Variants in SOX5 observed in about 807,000 individuals in gnomAD.
The protein encoded by SOX5 is SRY-box transcription factor 5, also known as transcription factor SOX-5.
SOX5 carries 9 observed loss-of-function variants against 92.0 expected under a neutral mutation model. That is an observed-to-expected ratio of 0.10 (90% confidence interval 0.06 to 0.17). The LOEUF (loss-of-function observed/expected upper bound fraction) is 0.17. Among genes scored for constraint, SOX5 ranks in the 10% least tolerant of loss-of-function variants. SOX5 has a pLI of 1.00. For missense variants in SOX5, 642 were observed against 944.5 expected (o/e 0.68, Z 4.20); for synonymous variants, 344 against 336.3 (o/e 1.02, Z -0.25).
At chr12:23,850,905 A>G (rs2096626453) in intron 2 of SOX5, among the ~76,000 whole-genome samples, 1 of 152,172 alleles carries the variant, frequency 6.6e-6, no homozygotes, top group Non-Finnish European at 1.5e-5. Context: ...AGTTAATTTT[A>G]TATGTTCATA....
intron 2 of SOX5, among the ~76,000 whole-genome samples, chr12:24,309,726 C>T (rs1948985099): frequency 6.6e-6 from 1 of 151,988 alleles, no homozygotes; most frequent in Non-Finnish European, 1.5e-5. Flanking sequence ...AAAGTAAAAA[C>T]AAAAATCCAT....
intron 9 of SOX5, among the ~76,000 whole-genome samples, chr12:23,585,385 C>A (rs1950581714): frequency 6.6e-6 from 1 of 152,154 alleles, no homozygotes. Flanking sequence ...AACTATTTAG[C>A]CACAGGCTTC....
chr12:23,707,396 C>T (rs1280204400), intron 6 of SOX5, among the ~76,000 whole-genome samples: 5 of 152,088 alleles, frequency 3.3e-5, no homozygotes, highest in Non-Finnish European at 7.4e-5. Context: ...TAGTCTTGGC[C>T]ATCCTGAGTG....
chr12:24,047,026 C>T (rs991627849), intron 4 of SOX5, among the ~76,000 whole-genome samples: 1 of 140,332 alleles, frequency 7.1e-6, no homozygotes, highest in Non-Finnish European at 1.6e-5. Flanking sequence ...ACATCTCCAA[C>T]CTATTCAAAA....
intron 4 of SOX5, among the ~76,000 whole-genome samples, chr12:24,199,769 T>C (rs1957342510): frequency 1.3e-5 from 2 of 152,182 alleles, no homozygotes; most frequent in Admixed American, 6.5e-5. Context: ...ACACTACCAC[T>C]GCAGTATTAT....
intron 4 of SOX5, among the ~76,000 whole-genome samples, chr12:24,074,055 A>G (rs1315676255): frequency 2.0e-5 from 3 of 152,256 alleles, no homozygotes. Context: ...CTCAAAAAAA[A>G]AAGCTCAGTG....
chr12:24,178,059 C>T (rs1955024163), intron 4 of SOX5, among the ~76,000 whole-genome samples: 1 of 152,174 alleles, frequency 6.6e-6, no homozygotes, highest in Non-Finnish European at 1.5e-5. Context: ...AAACTGAAAA[C>T]ACTTGAAAAT....
At chr12:24,194,416 GGTAGGTAGGTAGGTAT>G (rs374178385) in intron 4 of SOX5, among the ~76,000 whole-genome samples, 22,463 of 145,532 alleles carry the variant, frequency 0.15, 1,908 homozygotes, top group African/African-American at 0.26. Context: ...TAGGTAGGTA[GGTAGGTAGGTAGGTAT>G]GTAGGTAGGT....
chr12:23,784,372 G>A (rs2095339567), intron 3 of SOX5, among the ~76,000 whole-genome samples: 1 of 151,844 alleles, frequency 6.6e-6, no homozygotes, highest in South Asian at 2.1e-4. Context: ...TGTCACCCAG[G>A]CTGGAGCGCA....
intron 1 of SOX5, among the ~76,000 whole-genome samples, chr12:24,494,072 C>T (rs769642947): frequency 1.4e-4 from 22 of 152,164 alleles, no homozygotes; most frequent in Non-Finnish European, 2.5e-4. Context: ...ATTCCCTGTC[C>T]ACAGTGAAAA....
intron 11 of SOX5, among the ~76,000 whole-genome samples, chr12:23,549,672 G>C (rs900161082): frequency 3.4e-4 from 52 of 151,906 alleles, no homozygotes; most frequent in Non-Finnish European, 7.4e-5. Context: ...AAGTCCTGGG[G>C]TATGGGCCAA....
chr12:23,879,734 C>T (rs1394970988), intron 2 of SOX5, among the ~76,000 whole-genome samples: 1 of 152,208 alleles, frequency 6.6e-6, no homozygotes, highest in Non-Finnish European at 1.5e-5. Flanking sequence ...GCACTTGTTT[C>T]ATATACCTCA....
chr12:24,005,553 T>A (rs182805557), intron 4 of SOX5, among the ~76,000 whole-genome samples: 100 of 152,302 alleles, frequency 6.6e-4, no homozygotes, highest in African/African-American at 2.3e-3. Context: ...CTTCACTAAA[T>A]ATGCTAACCA....
chr12:23,656,009 T>A (rs781044275), intron 7 of SOX5, among the ~76,000 whole-genome samples: 44 of 152,224 alleles, frequency 2.9e-4, no homozygotes, highest in South Asian at 1.2e-3. Context: ...GAAATGCATA[T>A]ACTCATCCCA....
intron 1 of SOX5, among the ~76,000 whole-genome samples, chr12:23,928,257 T>A (rs896217713): frequency 6.6e-6 from 1 of 152,052 alleles, no homozygotes. Context: ...AACCAGGATC[T>A]CAGAGATTCA....
intron 4 of SOX5, among the ~76,000 whole-genome samples, chr12:24,098,692 T>C (rs1290283916): frequency 6.6e-6 from 1 of 152,172 alleles, no homozygotes; most frequent in African/African-American, 2.4e-5. Context: ...ATAGTTTCTT[T>C]GCCTTGAACA....
At chr12:24,406,934 T>G (rs11047422) in intron 1 of SOX5, among the ~76,000 whole-genome samples, 46,259 of 151,920 alleles carry the variant, frequency 0.3, 7,582 homozygotes, top group African/African-American at 0.41. Flanking sequence ...ATGTTGGGGG[T>G]AGACAGGGGT....
intron 1 of SOX5, among the ~76,000 whole-genome samples, chr12:24,374,327 T>C (rs1041835240): frequency 1.3e-5 from 2 of 152,044 alleles, no homozygotes; most frequent in Non-Finnish European, 2.9e-5. Flanking sequence ...GGAATCCCTG[T>C]TTTTAGTCTT....
intron 4 of SOX5, among the ~76,000 whole-genome samples, chr12:23,965,183 A>C (rs948425685): frequency 8.5e-5 from 13 of 152,212 alleles, no homozygotes; most frequent in African/African-American, 2.7e-4. Context: ...CCTGCCTGCC[A>C]ACTGACCTTC....
Sources: gnomAD v4.1 joint callset for allele counts (sites outside exome capture counted in the v4.1 genomes callset) on GRCh38, gnomAD v4.1.1 for gene constraint, MANE v1.5 for transcripts, NCBI Gene and HGNC (gene_info 2026-07-23, HGNC 2026-07-21) for gene names.